The following SLC7A6 variants were observed in gnomAD, a reference collection of about 807,000 sequenced individuals.
SLC7A6 encodes the protein solute carrier family 7 member 6.
Under a neutral mutation model 46.6 loss-of-function variants are expected in SLC7A6, and 29 were observed. That is an observed-to-expected ratio of 0.62 (90% CI 0.46 to 0.85). The LOEUF (loss-of-function observed/expected upper bound fraction) is 0.85, where lower values mean the gene tolerates loss of function less well. Ranked by LOEUF, SLC7A6 falls within the 40% of genes least tolerant of loss-of-function variation. The pLI is 0.00. For synonymous variants in SLC7A6, 276 were observed against 257.3 expected, an observed-to-expected ratio of 1.07 and a Z score of -0.70; for missense variants, 527 against 647.6, an observed-to-expected ratio of 0.81 and a Z score of 2.02.
At chr16:68,270,258 G>A (rs1350533396) in intron 2 of SLC7A6, among the ~76,000 whole-genome samples, 4 of 152,006 alleles carry the variant, frequency 2.6e-5, no homozygotes, top group African/African-American at 9.7e-5. Flanking sequence ...GATCTTTCTG[G>A]GTGCTCCTGC....
intron 2 of SLC7A6, among the ~76,000 whole-genome samples, chr16:68,270,034 C>T (rs1567581145): frequency 6.6e-6 from 1 of 152,136 alleles, no homozygotes; most frequent in Non-Finnish European, 1.5e-5. Flanking sequence ...TCCAGAGTAG[C>T]TGAGATTACA....
At chr16:68,272,435 A>T (rs1274750389) in intron 2 of SLC7A6, among the ~76,000 whole-genome samples, 1 of 152,116 alleles carries the variant, frequency 6.6e-6, no homozygotes, top group Non-Finnish European at 1.5e-5. Flanking sequence ...TCTCTTGAAT[A>T]AAAAAGAGAG....
chr16:68,277,571 A>T (rs1349020744), intron 3 of SLC7A6, among the ~76,000 whole-genome samples: 1 of 151,864 alleles, frequency 6.6e-6, no homozygotes, highest in South Asian at 2.1e-4. Flanking sequence ...TCGGCCTCCC[A>T]AAGTGCTGGG....
chr16:68,296,649 T>C lies in SLC7A6; in HGVS notation c.1292T>C (p.Val431Ala). Reference protein sequence around the residue: ...PLKLSVFFPIVFCICSVFLVI... With the variant: ...PLKLSVFFPIAFCICSVFLVI... The stretch of plus-strand genomic sequence containing the variant: ...CAGCTGAGCGTGTTTTTCCCCATCG[T>C]GTTCTGCATATGCTCCGTGTTTCTG... Residue 431 changes from valine to alanine, a missense_variant, in exon 10 of 11, where the codon GTG becomes GCG. Physicochemically the swap from Val to Ala is moderately conservative, Grantham distance 64. Transcript: ENST00000219343. 6.2e-7 allele frequency: 1 copy of C among 1,614,184 alleles called. No homozygotes were observed.
intron 2 of SLC7A6, among the ~76,000 whole-genome samples, chr16:68,272,097 C>T (rs975376194): frequency 6.6e-6 from 1 of 152,190 alleles, no homozygotes; most frequent in African/African-American, 2.4e-5. Context: ...GCCACTGCGC[C>T]CAGCATGCAT....
intron 2 of SLC7A6, among the ~76,000 whole-genome samples, chr16:68,269,504 A>G (rs1441595466): frequency 2.6e-5 from 4 of 152,172 alleles, no homozygotes; most frequent in South Asian, 4.1e-4. Context: ...AGGTGCACCA[A>G]TGACTTCAAA....
In SLC7A6 at chr16:68,297,542, G is replaced by C; in HGVS notation, c.*214G>C. 3 of 242,218 alleles carry C rather than the reference G, an allele frequency of 1.2e-5. No homozygotes were observed. The highest frequency in any genetic ancestry group is 1.6e-5 in the Non-Finnish European group (2 of 123,694). 15.0% of individuals were successfully genotyped at this position (242,218 alleles called of 1,614,324 possible). A position where few individuals can be genotyped will look rare whatever the true frequency, so the allele number is the denominator to read the frequency against. On this transcript the variant is annotated 3_prime_UTR_variant, in exon 11 of 11. Coordinates refer to ENST00000219343, the MANE Select transcript of SLC7A6 (RefSeq NM_003983.6). ...TGGGGGCTTCAGAGGGTGGGGGGAA[G>C]ATTGGGGAACGGGGGGAATGGTCAT...
In SLC7A6 at chr16:68,301,233, C is replaced by G. The variant is rs952367352; in HGVS notation, c.*3905C>G. The G allele has an allele frequency of 1.9e-6, 3 of 1,600,672 alleles. No homozygotes were observed. The highest frequency in any genetic ancestry group is 2.6e-6 in the Non-Finnish European group (3 of 1,171,802). ...GGCAGTTAACTCTGGACTCAGAGCC[C>G]TCAAGGGCATGTGGCAGAACCTCAT... On this transcript the variant is annotated 3_prime_UTR_variant, in exon 11 of 11. Transcript: ENST00000219343.
At chr16:68,293,552 T>A (rs894517988) in intron 7 of SLC7A6, among the ~76,000 whole-genome samples, 2 of 152,192 alleles carry the variant, frequency 1.3e-5, no homozygotes, top group African/African-American at 2.4e-5. Flanking sequence ...TGGTGTCAAA[T>A]CCCGTCAGGC....
chr16:68,287,200 A>G, intron 3 of SLC7A6: 1 of 647,560 alleles, frequency 1.5e-6, no homozygotes, highest in Non-Finnish European at 2.3e-6. Flanking sequence ...CTGGTCTCTA[A>G]CTCCTGGGCT....
chr16:68,290,837 T>G (rs1597002407), intron 5 of SLC7A6: 2 of 488,774 alleles, frequency 4.1e-6, no homozygotes, highest in East Asian at 7.9e-5. Flanking sequence ...CGGACTCTGG[T>G]GCTGACACTA....
Position 68,290,775 on chromosome 16 carries a change from G to A in SLC7A6, c.794+235G>A, listed in dbSNP as rs543256545. 6 of 551,746 alleles carry A rather than the reference G, an allele frequency of 1.1e-5. No individual in the cohort carries two copies. The Admixed American group carries it at 1.9e-4, about 17-fold the overall frequency. 34.2% of individuals were successfully genotyped at this position (551,746 alleles called of 1,614,324 possible). A position where few individuals can be genotyped will look rare whatever the true frequency, so the allele number is the denominator to read the frequency against. On this transcript the variant is annotated intron_variant, in intron 5 of 10. Coordinates refer to ENST00000219343, the MANE Select transcript of SLC7A6 (RefSeq NM_003983.6). Reference sequence around the variant, plus strand: ...GAGGATAGGGCCTTCCTAGAGGAGAGGGCCTTCAGTGGGGAGCAGCAGGCC... The same window carrying A: ...GAGGATAGGGCCTTCCTAGAGGAGAAGGCCTTCAGTGGGGAGCAGCAGGCC...
chr16:68,296,927 G>T, intron 10 of SLC7A6, 117 bp downstream of exon 10: 1 of 1,067,024 alleles, frequency 9.4e-7, no homozygotes, highest in Non-Finnish European at 1.4e-6. Flanking sequence ...ATGTGACCCA[G>T]CTGTCCACGA....
intron 3 of SLC7A6, among the ~76,000 whole-genome samples, chr16:68,281,716 A>G (rs1203666790): frequency 6.6e-6 from 1 of 152,234 alleles, no homozygotes; most frequent in Non-Finnish European, 1.5e-5. Flanking sequence ...GCCCAGTATT[A>G]TAAGAGTACT....
At chr16:68,281,324 T>C (rs901794567) in intron 3 of SLC7A6, among the ~76,000 whole-genome samples, 1 of 152,184 alleles carries the variant, frequency 6.6e-6, no homozygotes, top group African/African-American at 2.4e-5. Flanking sequence ...CCAGGAGACA[T>C]TTAGCAATAT....
intron 8 of SLC7A6, among the ~76,000 whole-genome samples, chr16:68,295,067 G>A (rs1171131049): frequency 6.6e-6 from 1 of 151,998 alleles, no homozygotes; most frequent in African/African-American, 2.4e-5. Context: ...TACCAATATC[G>A]CTCACTCAAC....
At chr16:68,273,370 G>A (rs748621864) in intron 2 of SLC7A6, among the ~76,000 whole-genome samples, 15 of 152,268 alleles carry the variant, frequency 9.9e-5, no homozygotes, top group Middle Eastern at 6.8e-3. Context: ...GACCTTAAAG[G>A]ACTAACTGTT....
intron 10 of SLC7A6, 147 bp from the exon 11 acceptor site, chr16:68,297,087 C>A: frequency 1.3e-6 from 1 of 743,054 alleles, no homozygotes; most frequent in Non-Finnish European, 2.2e-6. Context: ...GATGATGAGG[C>A]TTGTTGGGAG....
chr16:68,275,061 A>T lies in SLC7A6; in HGVS notation c.335A>T (p.Tyr112Phe). 6.2e-7 allele frequency: 1 copy of T among 1,614,146 alleles called. No individual in the cohort carries two copies. The highest frequency in any genetic ancestry group is 8.5e-7 in the Non-Finnish European group (1 of 1,180,026). ...GTTITKSGAS[Y>F]AYILEAFGGF... ...ACCATCACCAAGTCGGGAGCCAGCTACGCTTATATTCTAGAGGCCTTTGGG... is the reference window on the plus strand; with the variant it reads ...ACCATCACCAAGTCGGGAGCCAGCTTCGCTTATATTCTAGAGGCCTTTGGG... The change falls in exon 3 of 11, where the codon TAC becomes TTC. Residue 112 changes from tyrosine to phenylalanine, a missense_variant. Tyr to Phe is a conservative substitution (Grantham distance 22). Transcript: ENST00000219343.
Sources: allele counts gnomAD v4.1 joint callset (sites outside exome capture counted in the v4.1 genomes callset), GRCh38; gene constraint gnomAD v4.1.1; transcripts MANE v1.5; gene names NCBI Gene and HGNC (gene_info 2026-07-23, HGNC 2026-07-21).